The following TSPAN4 variants were observed in gnomAD, a reference collection of about 807,000 sequenced individuals.
TSPAN4 encodes tetraspanin 4.
Under a neutral mutation model 31.5 loss-of-function variants are expected in TSPAN4, and 38 were observed. The ratio of observed to expected loss-of-function variants is 1.21; its 90% CI spans 0.93 to 1.58. The LOEUF is 1.58. Among genes scored for constraint, TSPAN4 ranks in the 40% most tolerant of loss-of-function variants. The pLI, the probability that TSPAN4 is intolerant of heterozygous loss-of-function variation, is 0.00. For synonymous variants in TSPAN4, 186 were observed against 144.6 expected, an observed-to-expected ratio of 1.29 and a Z score of -2.06; for missense variants, 330 against 317.3, an observed-to-expected ratio of 1.04 and a Z score of -0.30.
At position 862,389 on chromosome 11, in the gene TSPAN4, A is replaced by AC. The variant is rs553795261; in HGVS notation, c.64-154dup. 267 of 628,102 alleles carry AC rather than the reference A, an allele frequency of 4.3e-4. 1 individual carries two copies. Among genetic ancestry groups the AC allele is most frequent in the African/African-American group, 2.2e-3 (119 of 53,144 alleles). The allele number at this position is 628,102 out of a possible 1,614,324, so 38.9% of individuals were successfully genotyped here. On this transcript the variant is annotated intron_variant, in intron 3 of 8. Transcript: ENST00000397397. ...CGGGAAAGACTGGCCTGCCCTGGAC[A>AC]CCCCCCCGGGCTGCCGTGGGATCTA... is the stretch of plus-strand genomic sequence containing the variant.
At chr11:858,068 C>G (rs1417840351) in intron 3 of TSPAN4, 1 of 152,360 alleles carries the variant, frequency 6.6e-6, no homozygotes, top group East Asian at 1.9e-4. Context: ...GCTGGGGTTC[C>G]TGTGTGCTCG....
At position 864,422 on chromosome 11, in the gene TSPAN4, C is replaced by T. The variant is rs1334940112; in HGVS notation, c.256-15C>T. The T allele has an allele frequency of 6.2e-7, 1 of 1,611,588 alleles. No individual in the cohort carries two copies. The highest frequency in any genetic ancestry group is 1.1e-5 in the South Asian group (1 of 91,084). On this transcript the variant is annotated splice_polypyrimidine_tract_variant and intron_variant, in intron 4 of 8. Coordinates refer to ENST00000397397, the MANE Select transcript of TSPAN4 (RefSeq NM_003271.5). ...CGGCCTTTCGGGTCCCTGTCTGAGC[C>T]TGCCCCCTCCACAGTTCTTCCTGCT...
chr11:863,350 G>A (rs1286043446), intron 4 of TSPAN4: 3 of 152,294 alleles, frequency 2.0e-5, no homozygotes, highest in Non-Finnish European at 4.4e-5. Context: ...CCCTGCGGAG[G>A]GTGTGCAGCC....
chr11:866,025 TCCCTGCC>T, intron 8 of TSPAN4, 24 bp downstream of exon 8: 5 of 1,607,656 alleles, frequency 3.1e-6, no homozygotes, highest in Non-Finnish European at 4.2e-6. Context: ...GCCTGCGGGC[TCCCTGCC>T]CCCACTTTGT....
intron 4 of TSPAN4, 86 bp downstream of exon 4, chr11:862,827 AC>A: frequency 4.5e-6 from 6 of 1,346,054 alleles, no homozygotes; most frequent in Non-Finnish European, 4.9e-6. Flanking sequence ...TGCCGCAGTG[AC>A]CCCCCAGACG....
intron 3 of TSPAN4, 27 bp downstream of exon 3, chr11:850,394 C>T (rs1333721441): frequency 1.9e-6 from 3 of 1,587,422 alleles, no homozygotes; most frequent in South Asian, 1.1e-5. Flanking sequence ...GGGTGGGGGC[C>T]CGGGAAAGAC....
chr11:860,666 TGA>T (rs1259608872), intron 3 of TSPAN4, among the ~76,000 whole-genome samples: 1 of 152,106 alleles, frequency 6.6e-6, no homozygotes, highest in Non-Finnish European at 1.5e-5. Context: ...AAGTGGGGTG[TGA>T]GTCTGGCCAC....
intron 8 of TSPAN4, among the ~76,000 whole-genome samples, 191 bp from the exon 9 acceptor site, chr11:866,371 G>A (rs796474637): frequency 1.3e-5 from 2 of 152,170 alleles, no homozygotes; most frequent in African/African-American, 4.8e-5. Context: ...TCAGGGGAGG[G>A]TGCTGTGGCT....
chr11:859,104 G>A (rs1343966136), intron 3 of TSPAN4, among the ~76,000 whole-genome samples: 2 of 68,566 alleles, frequency 2.9e-5, no homozygotes, highest in Non-Finnish European at 5.6e-5. Flanking sequence ...ACGCACCCCC[G>A]GGCTCACACG....
intron 4 of TSPAN4, chr11:863,468 C>A (rs1848590330): frequency 6.6e-6 from 1 of 152,300 alleles, no homozygotes; most frequent in African/African-American, 2.4e-5. Context: ...CCCCTCCGTA[C>A]CCCTTCCTGG....
At chr11:846,311 G>A (rs961623260) in intron 1 of TSPAN4, among the ~76,000 whole-genome samples, 1 of 152,230 alleles carries the variant, frequency 6.6e-6, no homozygotes, top group East Asian at 1.9e-4. Flanking sequence ...TTGGACCTCC[G>A]TCTGGCCTTG....
chr11:850,393 C>T (rs747252811), intron 3 of TSPAN4, 26 bp downstream of exon 3: 9 of 1,590,004 alleles, frequency 5.7e-6, no homozygotes, highest in Non-Finnish European at 7.7e-6. Flanking sequence ...GGGGTGGGGG[C>T]CCGGGAAAGA....
At chr11:859,118 C>T (rs1848257859) in intron 3 of TSPAN4, among the ~76,000 whole-genome samples, 1 of 139,106 alleles carries the variant, frequency 7.2e-6, no homozygotes. Context: ...TCACACGTGC[C>T]CTGGCTCACA....
intron 3 of TSPAN4, among the ~76,000 whole-genome samples, chr11:860,959 C>T (rs1032540113): frequency 4.0e-4 from 61 of 152,286 alleles, no homozygotes; most frequent in South Asian, 2.1e-3. Context: ...CGCTGCAGAC[C>T]GGGAGCTGGT....
At chr11:864,634 C>A in intron 5 of TSPAN4, 123 bp downstream of exon 5, 2 of 1,259,296 alleles carry the variant, frequency 1.6e-6, no homozygotes, top group Non-Finnish European at 2.3e-6. Flanking sequence ...GCAGCCAGGA[C>A]AGCGGGTGTG....
Position 865,941 on chromosome 11 carries a change from G to A in TSPAN4, c.588G>A (p.Val196=). Residue 196 remains valine (V), a synonymous_variant, in exon 8 of 9, where the codon GTG becomes GTA. Transcript: ENST00000397397. The part of the protein sequence containing the change: ...WKAPCYETVK[V]WLQENLLAVG... ...AGCCGTGCTACGAGACGGTGAAGGT[G>A]TGGCTTCAGGAGAACCTGCTGGCTG... The A allele has an allele frequency of 6.2e-7, 1 of 1,612,964 alleles. No homozygotes were observed. The highest frequency in any genetic ancestry group is 1.1e-5 in the South Asian group (1 of 91,058).
intron 2 of TSPAN4, chr11:849,054 G>T: frequency 6.8e-6 from 4 of 590,400 alleles, no homozygotes; most frequent in Non-Finnish European, 1.2e-5. Flanking sequence ...TTCAAGACGG[G>T]AACAGCAGAG....
intron 1 of TSPAN4, among the ~76,000 whole-genome samples, chr11:846,443 C>T (rs1847327890): frequency 1.3e-5 from 2 of 152,224 alleles, no homozygotes; most frequent in African/African-American, 4.8e-5. Context: ...TGGTTCCCTC[C>T]TGCCCTTGGG....
chr11:858,127 A>T (rs914066519), intron 3 of TSPAN4: 3 of 152,234 alleles, frequency 2.0e-5, no homozygotes, highest in Non-Finnish European at 2.9e-5. Context: ...GGTGTGTGTG[A>T]CCTTGTGCCC....
Sources: allele counts gnomAD v4.1 joint callset (sites outside exome capture counted in the v4.1 genomes callset), GRCh38; gene constraint gnomAD v4.1.1; transcripts MANE v1.5; gene names NCBI Gene and HGNC (gene_info 2026-07-23, HGNC 2026-07-21).